The following PMAIP1 variants were observed in gnomAD, a reference collection of about 807,000 sequenced individuals.
The protein encoded by PMAIP1 is phorbol-12-myristate-13-acetate-induced protein 1.
In PMAIP1, 3 loss-of-function variants were observed where a neutral mutation model predicts 3.7. That is an observed-to-expected ratio of 0.82 (90% CI 0.37 to 2.12). The LOEUF (loss-of-function observed/expected upper bound fraction) is 2.12. Among genes scored for constraint, PMAIP1 ranks in the 30% most tolerant of loss-of-function variants. PMAIP1 has a pLI of 0.06. For missense variants in PMAIP1, 77 were observed against 67.1 expected, an observed-to-expected ratio of 1.15 and a Z score of -0.52; for synonymous variants, 29 against 26.2, an observed-to-expected ratio of 1.11 and a Z score of -0.32.
chr18:59,900,772 C>A (rs1280116716), intron 1 of PMAIP1: 3 of 598,626 alleles, frequency 5.0e-6, no homozygotes, highest in Non-Finnish European at 8.6e-6. Context: ...GGAGTTAGTC[C>A]GCTCCTTTTT....
At chr18:59,902,324 A>G (rs890999035) in intron 1 of PMAIP1, among the ~76,000 whole-genome samples, 4 of 152,230 alleles carry the variant, frequency 2.6e-5, no homozygotes, top group Non-Finnish European at 5.9e-5. Context: ...CAATGTTCTC[A>G]CATCCCAAAG....
intron 1 of PMAIP1, among the ~76,000 whole-genome samples, chr18:59,902,192 A>G (rs2055776127): frequency 6.6e-6 from 1 of 152,242 alleles, no homozygotes; most frequent in Admixed American, 6.5e-5. Flanking sequence ...TGAAAGCCAC[A>G]CAGAACTTGA....
In PMAIP1 at chr18:59,903,072, C is replaced by T. The variant is rs191277486; in HGVS notation, c.*319C>T. ...TAGAGAATCGTTCTAGTGTTTTTGC[C>T]GAAGATTACCGCTGGCCTACTGTGA... On this transcript the variant is annotated 3_prime_UTR_variant, in exon 2 of 2. Transcript: ENST00000316660. The T allele has an allele frequency of 3.2e-5, 18 of 569,566 alleles. No homozygotes were observed. The East Asian group carries it at 4.7e-4, about 15-fold the overall frequency. 35.3% of individuals were successfully genotyped at this position (569,566 alleles called of 1,614,324 possible). A position where few individuals can be genotyped will look rare whatever the true frequency, so the allele number is the denominator to read the frequency against.
chr18:59,904,247 A>T lies in PMAIP1; in HGVS notation c.*1494A>T, dbSNP rs2055795636. The stretch of plus-strand genomic sequence containing the variant: ...TTTATGGTCTAATTTGTATTTAAAC[A>T]TATGCACACATATAAAAGTTGATAC... On this transcript the variant is annotated 3_prime_UTR_variant, in exon 2 of 2. Transcript: ENST00000316660. The T allele has an allele frequency of 2.0e-5, 3 of 152,164 alleles. No homozygotes were observed. The highest frequency in any genetic ancestry group is 2.0e-4 in the Admixed American group (3 of 15,280). The allele number at this position is 152,164 out of a possible 1,614,324, so 9.4% of individuals were successfully genotyped here.
Position 59,902,754 on chromosome 18 carries a change from C to T in PMAIP1, c.*1C>T, listed in dbSNP as rs142504944. The T allele has an allele frequency of 5.6e-4, 909 of 1,614,104 alleles. 4 individuals carry two copies. In the African/African-American group the frequency reaches 0.01, roughly 19 times the overall value. On this transcript the variant is annotated 3_prime_UTR_variant, in exon 2 of 2. Transcript: ENST00000316660. ...CAAACTCTTCTGCTCAGGAACCTGACTGCATCAAAAACTTGCATGAGGGGA... is the reference window on the plus strand; with the variant it reads ...CAAACTCTTCTGCTCAGGAACCTGATTGCATCAAAAACTTGCATGAGGGGA...
At position 59,904,268 on chromosome 18, in the gene PMAIP1, G is replaced by A. The variant is rs1599210741; in HGVS notation, c.*1515G>A. On this transcript the variant is annotated 3_prime_UTR_variant, in exon 2 of 2. Transcript: ENST00000316660. ...AAACATATGCACACATATAAAAGTT[G>A]ATACTGTGGCAGTAAACTATTAAAA... The A allele has an allele frequency of 6.6e-6, 1 of 152,116 alleles. No individual in the cohort carries two copies. The highest frequency in any genetic ancestry group is 1.9e-4 in the East Asian group (1 of 5,172). 9.4% of individuals were successfully genotyped at this position (152,116 alleles called of 1,614,324 possible).
intron 1 of PMAIP1, 123 bp from the exon 2 acceptor site, chr18:59,902,524 C>A: frequency 1.3e-6 from 1 of 798,194 alleles, no homozygotes; most frequent in Non-Finnish European, 2.1e-6. Context: ...CACATAAAGC[C>A]AAAGTTAAGA....
At position 59,902,632 on chromosome 18, in the gene PMAIP1, T is replaced by A. The variant is rs1042992603; in HGVS notation, c.59-15T>A. The A allele has an allele frequency of 6.2e-7, 1 of 1,611,090 alleles. No individual in the cohort carries two copies. ...ATCATCAATGTTCATGTCCATGTTT[T>A]GCTTTCCTTCTCAGAGCTGGAAGTC... On this transcript the variant is annotated splice_polypyrimidine_tract_variant and intron_variant, in intron 1 of 1. Coordinates refer to ENST00000316660, the MANE Select transcript of PMAIP1 (RefSeq NM_021127.3).
chr18:59,903,644 C>G lies in PMAIP1; in HGVS notation c.*891C>G, dbSNP rs185902213. The G allele has an allele frequency of 9.2e-5, 14 of 152,138 alleles. No individual in the cohort carries two copies. The highest frequency in any genetic ancestry group is 3.1e-4 in the African/African-American group (13 of 41,520). 9.4% of individuals were successfully genotyped at this position (152,138 alleles called of 1,614,324 possible). On this transcript the variant is annotated 3_prime_UTR_variant, in exon 2 of 2. Transcript: ENST00000316660. ...GTTTCTAAAGAAGTTTCTAAAGGTT[C>G]GGAAAATGCTCCTTGTCACATTAGT... is the stretch of plus-strand genomic sequence containing the variant.
In PMAIP1 at chr18:59,900,683, G is replaced by A. The variant is rs576389163; in HGVS notation, c.58+448G>A. On this transcript the variant is annotated intron_variant, in intron 1 of 1. Coordinates refer to ENST00000316660, the MANE Select transcript of PMAIP1 (RefSeq NM_021127.3). ...AGCGCTTCCAGAGACGGCCCCACAA[G>A]GGCCCCTGTGTTCAGGAGCCTAGAA... The A allele has an allele frequency of 1.9e-3, 2,297 of 1,216,274 alleles. 3 individuals carry two copies. Among genetic ancestry groups the A allele is most frequent in the Non-Finnish European group, 2.4e-3 (2,122 of 876,994 alleles). 75.3% of individuals were successfully genotyped at this position (1,216,274 alleles called of 1,614,324 possible).
Position 59,900,200 on chromosome 18 carries a change from A to T in PMAIP1, c.23A>T (p.Lys8Met). The change falls in exon 1 of 2, where the codon AAG becomes ATG. Residue 8 changes from lysine to methionine, a missense_variant. Physicochemically the swap from Lys to Met is moderately conservative, Grantham distance 95. Coordinates refer to ENST00000316660, the MANE Select transcript of PMAIP1 (RefSeq NM_021127.3). MPGKKAR[K>M]NAQPSPARAP... ...GAGATGCCTGGGAAGAAGGCGCGCA[A>T]GAACGCTCAACCGAGCCCCGCGCGG... 1 of 1,558,198 alleles carries T rather than the reference A, an allele frequency of 6.4e-7. No individual in the cohort carries two copies. Among genetic ancestry groups the T allele is most frequent in the Non-Finnish European group, 8.7e-7 (1 of 1,154,696 alleles).
At position 59,900,248 on chromosome 18, in the gene PMAIP1, T is replaced by A. The variant is rs1352684710; in HGVS notation, c.58+13T>A. 1 of 1,542,934 alleles carries A rather than the reference T, an allele frequency of 6.5e-7. No individual in the cohort carries two copies. The highest frequency in any genetic ancestry group is 8.7e-7 in the Non-Finnish European group (1 of 1,145,964). On this transcript the variant is annotated intron_variant, in intron 1 of 1. Coordinates refer to ENST00000316660, the MANE Select transcript of PMAIP1 (RefSeq NM_021127.3). ...CGGGCTCCAGCAGGTACCGACCCGC[T>A]GGGGCCAGCGAAGACCCAGGCCGGG...
chr18:59,902,787 A>C lies in PMAIP1; in HGVS notation c.*34A>C, dbSNP rs1315707157. The stretch of plus-strand genomic sequence containing the variant: ...AAAACTTGCATGAGGGGACTCCTTC[A>C]AAAGAGTTTTCTCAGGAGGTGCACG... On this transcript the variant is annotated 3_prime_UTR_variant, in exon 2 of 2. Coordinates refer to ENST00000316660, the MANE Select transcript of PMAIP1 (RefSeq NM_021127.3). 1 of 1,614,130 alleles carries C rather than the reference A, an allele frequency of 6.2e-7. No homozygotes were observed. The highest frequency in any genetic ancestry group is 8.5e-7 in the Non-Finnish European group (1 of 1,180,006).
At chr18:59,901,238 C>A (rs1163457248) in intron 1 of PMAIP1, among the ~76,000 whole-genome samples, 1 of 152,176 alleles carries the variant, frequency 6.6e-6, no homozygotes, top group East Asian at 1.9e-4. Context: ...GATACTAATA[C>A]ATTTATAGGT....
intron 1 of PMAIP1, chr18:59,900,518 C>T: frequency 6.4e-7 from 1 of 1,550,400 alleles, no homozygotes; most frequent in Non-Finnish European, 8.7e-7. Flanking sequence ...AAGCTCCTTT[C>T]CTCCTCTCTT....
At chr18:59,900,512 T>C (rs1455845304) in intron 1 of PMAIP1, 1 of 1,550,248 alleles carries the variant, frequency 6.5e-7, no homozygotes, top group Non-Finnish European at 8.7e-7. Flanking sequence ...GGCAAAAAGC[T>C]CCTTTCCTCC....
rs2055796020 is a variant in PMAIP1 at position 59,904,286 on chromosome 18, T to A, written c.*1533T>A. The stretch of plus-strand genomic sequence containing the variant: ...AAAAGTTGATACTGTGGCAGTAAAC[T>A]ATTAAAAGTTTTCACTGTTCTTTTC... On this transcript the variant is annotated 3_prime_UTR_variant, in exon 2 of 2. Transcript: ENST00000316660. The A allele has an allele frequency of 6.6e-6, 1 of 152,214 alleles. No individual in the cohort carries two copies. Among genetic ancestry groups the A allele is most frequent in the South Asian group, 2.1e-4 (1 of 4,834 alleles). The allele number at this position is 152,214 out of a possible 1,614,324, so 9.4% of individuals were successfully genotyped here.
chr18:59,903,083 G>A lies in PMAIP1; in HGVS notation c.*330G>A, dbSNP rs918186125. On this transcript the variant is annotated 3_prime_UTR_variant, in exon 2 of 2. Transcript: ENST00000316660. ...TCTAGTGTTTTTGCCGAAGATTACC[G>A]CTGGCCTACTGTGAAGGGAGATGAC... 1.1e-5 allele frequency: 6 copies of A among 563,684 alleles called. No individual in the cohort carries two copies. Among genetic ancestry groups the A allele is most frequent in the African/African-American group, 3.8e-5 (2 of 53,196 alleles). The allele number at this position is 563,684 out of a possible 1,614,324, so 34.9% of individuals were successfully genotyped here.
intron 1 of PMAIP1, 73 bp from the exon 2 acceptor site, chr18:59,902,574 G>T: frequency 3.2e-6 from 4 of 1,256,942 alleles, no homozygotes; most frequent in Non-Finnish European, 3.5e-6. Flanking sequence ...ACTAGTGTGG[G>T]CGTATTAGGT....
Sources: allele counts gnomAD v4.1 joint callset (sites outside exome capture counted in the v4.1 genomes callset), GRCh38; gene constraint gnomAD v4.1.1; transcripts MANE v1.5; gene names NCBI Gene and HGNC (gene_info 2026-07-23, HGNC 2026-07-21).